The following ZEB1 variants were observed in gnomAD, a reference collection of about 807,000 sequenced individuals.
The protein encoded by ZEB1 is zinc finger E-box binding homeobox 1.
In ZEB1, 21 loss-of-function variants were observed where a neutral mutation model predicts 84.9. That is an observed-to-expected ratio of 0.25 (90% CI 0.18 to 0.36). The LOEUF is 0.36. Ranked by LOEUF, ZEB1 falls within the 10% of genes least tolerant of loss-of-function variation. ZEB1 has a pLI of 1.00. For missense variants in ZEB1, 1,104 were observed against 1,330.2 expected (o/e 0.83, Z 2.65); for synonymous variants, 420 against 471.1 (o/e 0.89, Z 1.41).
At chr10:31,370,216 A>T (rs1476410500) in intron 1 of ZEB1, among the ~76,000 whole-genome samples, 1 of 152,124 alleles carries the variant, frequency 6.6e-6, no homozygotes, top group East Asian at 1.9e-4. Context: ...GAGTTATGTC[A>T]CCTGAAGCAG....
chr10:31,382,025 A>AAAAAAAAAAAC (rs1564659083), intron 1 of ZEB1, among the ~76,000 whole-genome samples: 35 of 146,068 alleles, frequency 2.4e-4, no homozygotes, highest in African/African-American at 9.5e-4. Context: ...AAAAAAAAAA[A>AAAAAAAAAAAC]AAAAAAAAAC....
At chr10:31,375,931 T>C (rs1159841799) in intron 1 of ZEB1, among the ~76,000 whole-genome samples, 1 of 151,524 alleles carries the variant, frequency 6.6e-6, no homozygotes, top group Non-Finnish European at 1.5e-5. Context: ...AAGGAGTTCC[T>C]GCTGATATAA....
At position 31,361,143 on chromosome 10, in the gene ZEB1, G is replaced by T. The variant is rs932585654; in HGVS notation, c.58+41851G>T. ...AGGAAAAAGAAGAACTGATTGAAGA[G>T]TGGCAACCAGAACCTCTTGTTCCTC... On this transcript the variant is annotated intron_variant, in intron 1 of 8. Transcript: ENST00000424869. 1.9e-6 allele frequency: 3 copies of T among 1,611,888 alleles called. No individual in the cohort carries two copies. In the African/African-American group the frequency reaches 4.0e-5, roughly 22 times the overall value.
chr10:31,463,725 G>A (rs375759682), intron 2 of ZEB1, among the ~76,000 whole-genome samples: 1 of 152,198 alleles, frequency 6.6e-6, no homozygotes, highest in East Asian at 1.9e-4. Flanking sequence ...AGTTTACATT[G>A]CTGTGTAGCC....
chr10:31,366,642 T>TA (rs2044558097), intron 1 of ZEB1, among the ~76,000 whole-genome samples: 1 of 152,252 alleles, frequency 6.6e-6, no homozygotes, highest in African/African-American at 2.4e-5. Flanking sequence ...TGTCCTGAAA[T>TA]ACCTGTAGTA....
chr10:31,329,067 A>C (rs996906547), intron 1 of ZEB1, among the ~76,000 whole-genome samples: 3 of 152,080 alleles, frequency 2.0e-5, no homozygotes, highest in Middle Eastern at 3.2e-3. Context: ...ACCACTATGC[A>C]TGTACATTTT....
chr10:31,514,857 A>G, intron 6 of ZEB1, 149 bp downstream of exon 6: 1 of 657,236 alleles, frequency 1.5e-6, no homozygotes, highest in Non-Finnish European at 2.6e-6. Context: ...TGTTTATTTT[A>G]TGTTTTATTA....
At chr10:31,383,478 C>T (rs965385184) in intron 1 of ZEB1, among the ~76,000 whole-genome samples, 7 of 151,940 alleles carry the variant, frequency 4.6e-5, no homozygotes, top group Admixed American at 1.3e-4. Flanking sequence ...ACTAAATGTA[C>T]GTATGGAAAG....
intron 2 of ZEB1, among the ~76,000 whole-genome samples, chr10:31,481,246 A>T (rs560496673): frequency 7.2e-5 from 11 of 152,244 alleles, no homozygotes; most frequent in African/African-American, 2.6e-4. Flanking sequence ...TATGGTTCTG[A>T]ATATATATAA....
intron 1 of ZEB1, among the ~76,000 whole-genome samples, chr10:31,419,537 T>A: frequency 6.6e-6 from 1 of 152,164 alleles, no homozygotes; most frequent in East Asian, 1.9e-4. Flanking sequence ...CATATTCTCA[T>A]ATCCGCCACA....
In ZEB1 at chr10:31,449,586, C is replaced by G. The variant is rs147354655; in HGVS notation, c.59-11451C>G. ...ATTTTTATTAAATAATGCATTTTCC[C>G]CCCACTAATTTGCAAGACTCCTATT... is the stretch of plus-strand genomic sequence containing the variant. On this transcript the variant is annotated intron_variant, in intron 1 of 8. Coordinates refer to ENST00000424869, the MANE Select transcript of ZEB1 (RefSeq NM_001174096.2). Among the ~76,000 whole-genome samples, 14 of 152,112 alleles carry G rather than the reference C, an allele frequency of 9.2e-5. No individual in the cohort carries two copies. In the East Asian group the frequency reaches 2.5e-3, roughly 27 times the overall value.
chr10:31,451,053 T>C (rs2060506951), intron 1 of ZEB1, among the ~76,000 whole-genome samples: 2 of 152,192 alleles, frequency 1.3e-5, no homozygotes, highest in Admixed American at 6.5e-5. Context: ...TGAAGAAATT[T>C]ACCTGTGAAA....
intron 1 of ZEB1, among the ~76,000 whole-genome samples, chr10:31,405,170 G>A (rs557151431): frequency 2.0e-5 from 3 of 152,058 alleles, no homozygotes; most frequent in Admixed American, 6.6e-5. Flanking sequence ...GATGACTTAC[G>A]GACATTTAAA....
intron 1 of ZEB1, among the ~76,000 whole-genome samples, chr10:31,457,374 A>T (rs1158080806): frequency 6.6e-6 from 1 of 152,130 alleles, no homozygotes; most frequent in South Asian, 2.1e-4. Flanking sequence ...CTTGACTATT[A>T]ATTTAAGTTT....
chr10:31,485,828 C>T (rs957134079), intron 2 of ZEB1, among the ~76,000 whole-genome samples: 1 of 151,688 alleles, frequency 6.6e-6, no homozygotes, highest in Non-Finnish European at 1.5e-5. Flanking sequence ...GCAACCATGA[C>T]GATCAGGGCA....
At chr10:31,510,620 G>A (rs1365026772) in intron 4 of ZEB1, 53 bp from the exon 5 acceptor site, 1 of 1,486,882 alleles carries the variant, frequency 6.7e-7, no homozygotes, top group Non-Finnish European at 9.3e-7. Context: ...TGGAAACTTT[G>A]GTAATATTTT....
At chr10:31,444,529 G>T (rs1245001878) in intron 1 of ZEB1, among the ~76,000 whole-genome samples, 3 of 151,018 alleles carry the variant, frequency 2.0e-5, no homozygotes, top group Non-Finnish European at 4.5e-5. Flanking sequence ...TTTTCTTCTA[G>T]GGTTTTTATG....
intron 1 of ZEB1, among the ~76,000 whole-genome samples, chr10:31,436,559 ATCTAAG>A (rs2058317912): frequency 1.3e-5 from 2 of 152,156 alleles, no homozygotes; most frequent in Non-Finnish European, 1.5e-5. Context: ...AAGTTATGTA[ATCTAAG>A]TCTTAGTTTC....
rs1363938473 is a variant in ZEB1 at position 31,414,787 on chromosome 10, T to C, written c.59-46250T>C. ...TTACCTGTCATAACTGTCTCCTTTCTGTTTTGCAAATTCCCTCAGCAAAGT... is the reference window on the plus strand; with the variant it reads ...TTACCTGTCATAACTGTCTCCTTTCCGTTTTGCAAATTCCCTCAGCAAAGT... On this transcript the variant is annotated intron_variant, in intron 1 of 8. Transcript: ENST00000424869. 2.6e-5 allele frequency among the ~76,000 whole-genome samples: 4 copies of C among 152,334 alleles called. 1 individual carries two copies. Among genetic ancestry groups the C allele is most frequent in the Admixed American group, 2.0e-4 (3 of 15,288 alleles).
Sources: allele counts gnomAD v4.1 joint callset (sites outside exome capture counted in the v4.1 genomes callset), GRCh38; gene constraint gnomAD v4.1.1; transcripts MANE v1.5; gene names NCBI Gene and HGNC (gene_info 2026-07-23, HGNC 2026-07-21).